Variants in TMEM200C observed in about 807,000 individuals in gnomAD.
TMEM200C encodes the protein transmembrane protein 200C, also known as transmembrane protein TTMA.
For synonymous variants in TMEM200C, 462 were observed against 324.7 expected, an observed-to-expected ratio of 1.42 and a Z score of -4.55; for missense variants, 966 against 699.9, an observed-to-expected ratio of 1.38 and a Z score of -4.29.
At chr18:5,883,693 A>G (rs1016700215) in exon 3 of TMEM200C, 4 of 152,156 alleles carry the variant, frequency 2.6e-5, no homozygotes, top group African/African-American at 7.2e-5. Context: ...TATCATGTGT[A>G]GATTCTGAAA....
Position 5,891,361 on chromosome 18 carries a change from A to G in TMEM200C, c.703T>C (p.Ser235Pro). 1 of 1,343,670 alleles carries G rather than the reference A, an allele frequency of 7.4e-7. No individual in the cohort carries two copies. The highest frequency in any genetic ancestry group is 9.5e-7 in the Non-Finnish European group (1 of 1,051,476). The allele number at this position is 1,343,670 out of a possible 1,614,324, so 83.2% of individuals were successfully genotyped here. Residue 235 changes from serine to proline, a missense_variant, in exon 3 of 3, where the codon TCT becomes CCT. Transcript: ENST00000581347. This position sits in a 1 kb window ranked among gnomAD's most constrained non-coding sequence, Gnocchi z 4.7. ...CCGGGGGGCGCCGCGGCGGGGGCAG[A>G]CGACGACGAAGAGGCGGCGGCGGCC...
Position 5,890,513 on chromosome 18 carries a change from G to C in TMEM200C, c.1551C>G (p.Pro517=), listed in dbSNP as rs570466160. 464 of 1,523,446 alleles carry C rather than the reference G, an allele frequency of 3.0e-4. 2 individuals are homozygous for C. Among genetic ancestry groups the C allele is most frequent in the Admixed American group, 5.4e-4 (28 of 51,512 alleles). 94.4% of individuals were successfully genotyped at this position (1,523,446 alleles called of 1,614,324 possible). A position where few individuals can be genotyped will look rare whatever the true frequency, so the allele number is the denominator to read the frequency against. The change falls in exon 3 of 3, where the codon CCC becomes CCG. Residue 517 remains proline (P), a synonymous_variant. Coordinates refer to ENST00000581347, the Ensembl canonical transcript of TMEM200C. The stretch of plus-strand genomic sequence containing the variant: ...GGGAGCTCCCGGAGTCCCGCCTGGT[G>C]GGGGGCGAGCCCTCCAGCCGCAGGG...
exon 3 of TMEM200C, chr18:5,887,887 AT>A (rs1440029388): frequency 2.6e-5 from 4 of 152,374 alleles, no homozygotes; most frequent in Admixed American, 2.6e-4. Flanking sequence ...CAGAAAAAAA[AT>A]CTAGTTAAAT....
exon 3 of TMEM200C, chr18:5,882,755 A>T (rs1212466443): frequency 6.6e-6 from 1 of 152,152 alleles, no homozygotes; most frequent in African/African-American, 2.4e-5. Flanking sequence ...TTAAAGTAGT[A>T]ATCCCAAGCA....
intron 2 of TMEM200C, among the ~76,000 whole-genome samples, chr18:5,893,987 G>A (rs961440853): frequency 6.6e-6 from 1 of 152,210 alleles, no homozygotes; most frequent in African/African-American, 2.4e-5. Flanking sequence ...GTAACATAGA[G>A]ACTGTTGTTT....
rs1048125155 is a variant in TMEM200C, at chr18:5,892,283, C to T, written c.-94-126G>A. The T allele has an allele frequency of 1.7e-5, 10 of 593,882 alleles. No homozygotes were observed. In the Admixed American group the frequency reaches 2.4e-4, roughly 14 times the overall value. 36.8% of individuals were successfully genotyped at this position (593,882 alleles called of 1,614,324 possible). Reference sequence around the variant, plus strand: ...CCACCCCAGGGCCTTTATCCACTAACTGAAACAAGGCCGTGTACAGAGGCT... The same window carrying T: ...CCACCCCAGGGCCTTTATCCACTAATTGAAACAAGGCCGTGTACAGAGGCT... On this transcript the variant is annotated intron_variant, in intron 2 of 2. Transcript: ENST00000581347.
At chr18:5,885,176 C>G (rs2095164480) in exon 3 of TMEM200C, 1 of 151,558 alleles carries the variant, frequency 6.6e-6, no homozygotes, top group African/African-American at 2.4e-5. Flanking sequence ...TCTGGCCTAT[C>G]TTTTTTTTTC....
Position 5,891,311 on chromosome 18 carries a change from GA to G in TMEM200C, c.752del (p.Leu251ProfsTer11). The G allele has an allele frequency of 7.1e-7, 1 of 1,410,524 alleles. No homozygotes were observed. Among genetic ancestry groups the G allele is most frequent in the South Asian group, 1.5e-5 (1 of 65,798 alleles). 87.4% of individuals were successfully genotyped at this position (1,410,524 alleles called of 1,614,324 possible). On this transcript the variant is annotated frameshift_variant, in exon 3 of 3. Coordinates refer to ENST00000581347, the Ensembl canonical transcript of TMEM200C. LOFTEE classifies it low-confidence loss of function (END_TRUNC). The surrounding 1 kb of genome is among the most constrained non-coding windows in gnomAD (Gnocchi z 4.7). Reference sequence around the variant, plus strand: ...CCAGGCCCCGCGACTGCACGTAGCTGAGGAAGCCGTTGAGCGGTATGGCCCC... The same window carrying G: ...CCAGGCCCCGCGACTGCACGTAGCTGGGAAGCCGTTGAGCGGTATGGCCCC...
exon 3 of TMEM200C, chr18:5,885,513 C>T (rs1341829860): frequency 6.6e-6 from 1 of 152,174 alleles, no homozygotes; most frequent in African/African-American, 2.4e-5. Flanking sequence ...ATGCTTCTGG[C>T]TCTGGGATGA....
chr18:5,890,574 G>A, exon 3 of TMEM200C: 1 of 1,349,504 alleles, frequency 7.4e-7, no homozygotes, highest in Middle Eastern at 2.4e-4. Context: ...CAGAGGGCTG[G>A]AGTCCGGGTC....
exon 3 of TMEM200C, chr18:5,886,189 G>A (rs949723441): frequency 2.0e-5 from 3 of 151,822 alleles, no homozygotes; most frequent in African/African-American, 7.3e-5. Context: ...AATTACTGAA[G>A]AAAAAAATTA....
exon 3 of TMEM200C, chr18:5,890,447 G>A (rs761108480): frequency 1.9e-6 from 3 of 1,578,748 alleles, no homozygotes; most frequent in South Asian, 2.4e-5. Flanking sequence ...CCTCCCGCAG[G>A]GGTGTGTAGC....
rs775065617 is a variant in TMEM200C at position 5,891,619 on chromosome 18, C to A, written c.445G>T (p.Val149Leu). The change falls in exon 3 of 3, where the codon GTG becomes TTG. Residue 149 changes from valine to leucine, a missense_variant. By Grantham distance (32) the Val-to-Leu change is conservative (BLOSUM62 1). Transcript: ENST00000581347. The surrounding 1 kb of genome is among the most constrained non-coding windows in gnomAD (Gnocchi z 4.7). ...GAGAAGATGCGGAAGAAGAAGCCCA[C>A]GGACGTGGAGGAGGAGGACGGGGAG... 2 of 1,613,840 alleles carry A rather than the reference C, an allele frequency of 1.2e-6. No individual in the cohort carries two copies. The highest frequency in any genetic ancestry group is 2.2e-5 in the South Asian group (2 of 91,078).
At chr18:5,890,589 C>T (rs1303478218) in exon 3 of TMEM200C, 2 of 1,254,388 alleles carry the variant, frequency 1.6e-6, no homozygotes, top group Non-Finnish European at 2.0e-6. Context: ...CGGGTCCGCA[C>T]TCCCCGGGGA....
rs768992629 is a variant in TMEM200C, at chr18:5,891,322, T to A, written c.742A>T (p.Asn248Tyr). ...GACTGCACGTAGCTGAGGAAGCCGT[T>A]GAGCGGTATGGCCCCGGGGGGCGCC... Residue 248 changes from asparagine (N) to tyrosine (Y), a missense_variant, in exon 3 of 3, where the codon AAC becomes TAC. By Grantham distance (143) the Asn-to-Tyr change is moderately radical. Transcript: ENST00000581347. This position sits in a 1 kb window ranked among gnomAD's most constrained non-coding sequence, Gnocchi z 4.7. The A allele has an allele frequency of 7.1e-7, 1 of 1,400,784 alleles. No homozygotes were observed. The highest frequency in any genetic ancestry group is 9.3e-7 in the Non-Finnish European group (1 of 1,071,748). 86.8% of individuals were successfully genotyped at this position (1,400,784 alleles called of 1,614,324 possible).
At chr18:5,894,042 G>A (rs928600188) in intron 2 of TMEM200C, among the ~76,000 whole-genome samples, 6 of 152,214 alleles carry the variant, frequency 3.9e-5, no homozygotes, top group Non-Finnish European at 5.9e-5. Flanking sequence ...CTGGAGATCC[G>A]TGGTTATCTT....
exon 3 of TMEM200C, chr18:5,886,583 A>G (rs2095165510): frequency 6.6e-6 from 1 of 152,206 alleles, no homozygotes; most frequent in East Asian, 1.9e-4. Context: ...ACTGAGTAGT[A>G]AATTTAGCCT....
At chr18:5,894,132 G>C (rs2095173731) in intron 2 of TMEM200C, among the ~76,000 whole-genome samples, 1 of 152,108 alleles carries the variant, frequency 6.6e-6, no homozygotes, top group Non-Finnish European at 1.5e-5. Flanking sequence ...CCGCAGAAAG[G>C]CTACATGTTT....
At chr18:5,896,147 G>A (rs575008299), upstream of TMEM200C, among the ~76,000 whole-genome samples, 3 of 152,262 alleles carry the variant, frequency 2.0e-5, no homozygotes, top group Admixed American at 1.3e-4. Flanking sequence ...GCCGGGACGG[G>A]CGCACCGCGG....
Sources: gnomAD v4.1 joint callset for allele counts (sites outside exome capture counted in the v4.1 genomes callset) on GRCh38, gnomAD v4.1.1 for gene constraint, Gnocchi (gnomAD v3.1) non-coding constraint, MANE v1.5 for transcripts, NCBI Gene and HGNC (gene_info 2026-07-23, HGNC 2026-07-21) for gene names.